The following OXTR variants were observed in gnomAD, a reference collection of about 807,000 sequenced individuals.
OXTR encodes oxytocin receptor.
OXTR carries 19 observed loss-of-function variants against 23.9 expected under a neutral mutation model. That is an observed-to-expected ratio of 0.80 (90% CI 0.56 to 1.17). OXTR has a LOEUF of 1.17. Among genes scored for constraint, OXTR ranks in the 50% most tolerant of loss-of-function variants. The pLI is 0.00. For synonymous variants in OXTR, 278 were observed against 250.5 expected (o/e 1.11, Z -1.04); for missense variants, 500 against 550.7 (o/e 0.91, Z 0.92).
At position 8,753,116 on chromosome 3, in the gene OXTR, A is replaced by G; in HGVS notation, c.1031T>C (p.Phe344Ser). 1 of 1,614,152 alleles carries G rather than the reference A, an allele frequency of 6.2e-7. No individual in the cohort carries two copies. ...GHLFHELVQRFLCCSASYLKG... is the reference protein window; with the variant it reads ...GHLFHELVQRSLCCSASYLKG... ...CAGGTAGCTGGCGGAGCAGCACAGG[A>G]AGCGCTGCACGAGTTCGTGGAAGAG... is the stretch of plus-strand genomic sequence containing the variant. Residue 344 changes from phenylalanine to serine, a missense_variant, in exon 4 of 4, where the codon TTC becomes TCC. Transcript: ENST00000316793.
At position 8,752,837 on chromosome 3, in the gene OXTR, C is replaced by T. The variant is rs1372922225; in HGVS notation, c.*140G>A. The T allele has an allele frequency of 1.4e-5, 13 of 903,810 alleles. No homozygotes were observed. Among genetic ancestry groups the T allele is most frequent in the Non-Finnish European group, 2.1e-5 (13 of 614,396 alleles). The allele number at this position is 903,810 out of a possible 1,614,324, so 56.0% of individuals were successfully genotyped here. A position where few individuals can be genotyped will look rare whatever the true frequency, so the allele number is the denominator to read the frequency against. On this transcript the variant is annotated 3_prime_UTR_variant, in exon 4 of 4. Transcript: ENST00000316793. ...TCCATCATGGAGGCCACTCTCCACC[C>T]CACTGAAGCCACCCCAAGGAGGGGA...
Position 8,750,468 on chromosome 3 carries a change from A to C in OXTR, c.*2509T>G, listed in dbSNP as rs533078524. ...TTAGTACATTCTCAAAATCGTGCAC[A>C]ATCACCACTAATTTCAGAACATTTT... On this transcript the variant is annotated 3_prime_UTR_variant, in exon 4 of 4. Coordinates refer to ENST00000316793, the MANE Select transcript of OXTR (RefSeq NM_000916.4). 5 of 152,348 alleles carry C rather than the reference A, an allele frequency of 3.3e-5. No individual in the cohort carries two copies. In the East Asian group the frequency reaches 9.6e-4, roughly 29 times the overall value. The allele number at this position is 152,348 out of a possible 1,614,324, so 9.4% of individuals were successfully genotyped here. A position where few individuals can be genotyped will look rare whatever the true frequency, so the allele number is the denominator to read the frequency against.
At chr3:8,764,961 T>C (rs1708572012) in intron 3 of OXTR, among the ~76,000 whole-genome samples, 2 of 152,200 alleles carry the variant, frequency 1.3e-5, no homozygotes, top group South Asian at 2.1e-4. Context: ...CAAAGGGAAG[T>C]AGGACCTGAA....
In OXTR at chr3:8,752,775, C is replaced by A. The variant is rs1194786221; in HGVS notation, c.*202G>T. ...GGGTGGTAGAAGTACGTGTAGGAGG[C>A]CAGGGTGTTGTCTGATGGCTGAGTC... On this transcript the variant is annotated 3_prime_UTR_variant, in exon 4 of 4. Transcript: ENST00000316793. The A allele has an allele frequency of 1.7e-6, 1 of 595,336 alleles. No homozygotes were observed. The highest frequency in any genetic ancestry group is 2.9e-6 in the Non-Finnish European group (1 of 339,622). The allele number at this position is 595,336 out of a possible 1,614,324, so 36.9% of individuals were successfully genotyped here. A position where few individuals can be genotyped will look rare whatever the true frequency, so the allele number is the denominator to read the frequency against.
chr3:8,766,123 T>C (rs61183828), intron 3 of OXTR, among the ~76,000 whole-genome samples: 13,576 of 152,226 alleles, frequency 0.089, 987 homozygotes, highest in African/African-American at 0.2. Context: ...TTTACAAACA[T>C]TTGAAGTCCC....
rs113337679 is a variant in OXTR at position 8,766,987 on chromosome 3, A to G, written c.922+279T>C. 4.2e-3 allele frequency among the ~76,000 whole-genome samples: 634 copies of G among 152,272 alleles called. 10 individuals carry two copies. Among genetic ancestry groups the G allele is most frequent in the South Asian group, 0.014 (69 of 4,824 alleles). On this transcript the variant is annotated intron_variant, in intron 3 of 3. Transcript: ENST00000316793. ...CCATATGCAGCCCAAGGACTGTGCT[A>G]AGGACTTTAACTGCATTTTCTCGTG...
chr3:8,758,812 C>T (rs1370369469), intron 3 of OXTR, among the ~76,000 whole-genome samples: 1 of 152,192 alleles, frequency 6.6e-6, no homozygotes, highest in Non-Finnish European at 1.5e-5. Context: ...TAACCACATT[C>T]TGGAAGAAGA....
chr3:8,753,815 A>G (rs1346879127), intron 3 of OXTR, among the ~76,000 whole-genome samples: 2 of 151,916 alleles, frequency 1.3e-5, no homozygotes, highest in African/African-American at 2.4e-5. Context: ...TGCCGGGCAA[A>G]TCAAATAAAA....
intron 3 of OXTR, among the ~76,000 whole-genome samples, chr3:8,759,651 C>T (rs1189803856): frequency 6.6e-6 from 1 of 152,174 alleles, no homozygotes; most frequent in East Asian, 1.9e-4. Context: ...TAAGTTCGCC[C>T]TCAGATATGG....
chr3:8,746,904 T>C (rs1708182594), downstream of OXTR: 1 of 152,126 alleles, frequency 6.6e-6, no homozygotes, highest in African/African-American at 2.4e-5. Context: ...GGGATGGGTG[T>C]TAGCATCTGT....
chr3:8,754,024 A>G (rs1708324386), intron 3 of OXTR, among the ~76,000 whole-genome samples: 1 of 152,170 alleles, frequency 6.6e-6, no homozygotes, highest in Non-Finnish European at 1.5e-5. Flanking sequence ...GCAGCGAGAA[A>G]CTGTATGACA....
At chr3:8,741,853 T>G in the OXTR span, among the ~76,000 whole-genome samples, 358 of 152,268 alleles carry the variant, frequency 2.4e-3, 1 homozygote, top group African/African-American at 8.2e-3. Flanking sequence ...CTGCGGGGAC[T>G]GCGCTGGCTG....
downstream of OXTR, among the ~76,000 whole-genome samples, chr3:8,747,173 G>T (rs1708187186): frequency 6.6e-6 from 1 of 152,090 alleles, no homozygotes; most frequent in Admixed American, 6.6e-5. Context: ...GGTCTTGGGA[G>T]GCAGTGTGGT....
intron 3 of OXTR, among the ~76,000 whole-genome samples, chr3:8,763,995 A>G (rs1575489451): frequency 6.6e-6 from 1 of 152,092 alleles, no homozygotes; most frequent in East Asian, 1.9e-4. Flanking sequence ...ATTTTTGGCC[A>G]CCACTGCACA....
Position 8,752,804 on chromosome 3 carries a change from T to C in OXTR, c.*173A>G. On this transcript the variant is annotated 3_prime_UTR_variant, in exon 4 of 4. Transcript: ENST00000316793. ...GGTGTTGTCTGATGGCTGAGTCCCCTATCATCTTCCATCATGGAGGCCACT... is the reference window on the plus strand; with the variant it reads ...GGTGTTGTCTGATGGCTGAGTCCCCCATCATCTTCCATCATGGAGGCCACT... 1 of 656,250 alleles carries C rather than the reference T, an allele frequency of 1.5e-6. No individual in the cohort carries two copies. The highest frequency in any genetic ancestry group is 2.6e-6 in the Non-Finnish European group (1 of 390,606). The allele number at this position is 656,250 out of a possible 1,614,324, so 40.7% of individuals were successfully genotyped here. A position where few individuals can be genotyped will look rare whatever the true frequency, so the allele number is the denominator to read the frequency against.
At chr3:8,761,444 C>T (rs147589196) in intron 3 of OXTR, among the ~76,000 whole-genome samples, 23 of 152,176 alleles carry the variant, frequency 1.5e-4, no homozygotes, top group African/African-American at 4.6e-4. Context: ...ATCTAACAAG[C>T]GCCCAGGAGA....
At chr3:8,745,964 CT>C, downstream of OXTR, 1 of 946,638 alleles carries the variant, frequency 1.1e-6, no homozygotes, top group Non-Finnish European at 1.6e-6. The surrounding 1 kb of genome is among the most constrained non-coding windows in gnomAD (Gnocchi z 4.8). Context: ...AGCTCTTTCT[CT>C]TTAGGGACTG....
chr3:8,765,541 T>G (rs1028833434), intron 3 of OXTR, among the ~76,000 whole-genome samples: 1 of 152,218 alleles, frequency 6.6e-6, no homozygotes, highest in African/African-American at 2.4e-5. Flanking sequence ...ACCCCACATC[T>G]CTCCAGTATC....
chr3:8,745,615 CA>C, downstream of OXTR: 1 of 1,614,134 alleles, frequency 6.2e-7, no homozygotes. The surrounding 1 kb of genome is among the most constrained non-coding windows in gnomAD (Gnocchi z 4.8). Context: ...TCACTGTCTC[CA>C]AGTACTGGTG....
Sources: gnomAD v4.1 joint callset for allele counts (sites outside exome capture counted in the v4.1 genomes callset) on GRCh38, gnomAD v4.1.1 for gene constraint, Gnocchi (gnomAD v3.1) non-coding constraint, MANE v1.5 for transcripts, NCBI Gene and HGNC (gene_info 2026-07-23, HGNC 2026-07-21) for gene names.